The following DNAJC3 variants were observed in gnomAD, a reference collection of about 807,000 sequenced individuals.
DNAJC3 encodes dnaJ homolog subfamily C member 3.
DNAJC3 carries 38 observed loss-of-function variants against 68.6 expected under a neutral mutation model. That is an observed-to-expected ratio of 0.55 (90% CI 0.43 to 0.73). The LOEUF (loss-of-function observed/expected upper bound fraction) is 0.73, where lower values mean the gene tolerates loss of function less well. Ranked by LOEUF, DNAJC3 falls within the 30% of genes least tolerant of loss-of-function variation. The probability of loss-of-function intolerance (pLI) is 0.00; values close to 1 mark genes in which losing one functional copy is unlikely to be tolerated. For synonymous variants in DNAJC3, 203 were observed against 204.0 expected (o/e 1.00, Z 0.04); for missense variants, 526 against 591.9 (o/e 0.89, Z 1.16).
intron 9 of DNAJC3, among the ~76,000 whole-genome samples, chr13:95,772,157 A>G (rs1883176042): frequency 6.6e-6 from 1 of 152,218 alleles, no homozygotes; most frequent in South Asian, 2.1e-4. Flanking sequence ...TTTGAAAAAC[A>G]GGTGGTGGGC....
In DNAJC3 at chr13:95,775,234, G is replaced by A. The variant is rs1594023103; in HGVS notation, c.1076-10705G>A. Among the ~76,000 whole-genome samples the A allele has an allele frequency of 3.3e-5, 5 of 152,218 alleles. No homozygotes were observed. In the Middle Eastern group the frequency reaches 0.01, roughly 311 times the overall value. On this transcript the variant is annotated intron_variant, in intron 9 of 11. Coordinates refer to ENST00000602402, the MANE Select transcript of DNAJC3 (RefSeq NM_006260.5). ...TGCATGTCCTGCACTTGACTGTAAC[G>A]ACGTTTTAAATAAATTTCTAATATT...
chr13:95,716,940 C>T (rs529037614), intron 2 of DNAJC3, among the ~76,000 whole-genome samples: 1 of 152,290 alleles, frequency 6.6e-6, no homozygotes, highest in South Asian at 2.1e-4. Flanking sequence ...CCCAAGGGTG[C>T]AGCCCTACCT....
intron 4 of DNAJC3, among the ~76,000 whole-genome samples, chr13:95,753,641 T>G (rs1303191672): frequency 3.3e-5 from 5 of 152,230 alleles, no homozygotes; most frequent in Non-Finnish European, 7.3e-5. Context: ...AGAAAGGTTC[T>G]ATTATTCTAG....
At chr13:95,785,452 C>CTTT (rs36052714) in intron 9 of DNAJC3, among the ~76,000 whole-genome samples, 1,527 of 77,930 alleles carry the variant, frequency 0.02, 60 homozygotes, top group African/African-American at 0.047. Flanking sequence ...CCTTTTAAAC[C>CTTT]TTTTTTTTTT....
intron 2 of DNAJC3, among the ~76,000 whole-genome samples, chr13:95,718,598 A>G: frequency 6.6e-6 from 1 of 152,132 alleles, no homozygotes; most frequent in East Asian, 1.9e-4. Flanking sequence ...ACGGTGTTTC[A>G]CCATGTTGGC....
intron 9 of DNAJC3, among the ~76,000 whole-genome samples, chr13:95,773,731 CTTTTTTTTTTTTT>C (rs143145399): frequency 4.8e-4 from 34 of 71,330 alleles, no homozygotes; most frequent in African/African-American, 1.7e-3. Context: ...TTTTGTTGGT[CTTTTTTTTTTTTT>C]TTTTTTTTTT....
chr13:95,714,164 A>G (rs1339685941), intron 2 of DNAJC3, among the ~76,000 whole-genome samples: 1 of 152,234 alleles, frequency 6.6e-6, no homozygotes, highest in Non-Finnish European at 1.5e-5. Flanking sequence ...AAGAAAATGC[A>G]CACTTTAAAA....
rs1880144877 is a variant in DNAJC3, at chr13:95,688,931, TGTGTG to T, written c.82+11595_82+11599del. On this transcript the variant is annotated intron_variant, in intron 1 of 11. Transcript: ENST00000602402. ...CAAAGCCCATTTGATTGTGTGGGTG[TGTGTG>T]TGTGTGTGTGTGTGTGTGTGTGTGT... 2.7e-4 allele frequency among the ~76,000 whole-genome samples: 23 copies of T among 86,286 alleles called. 1 individual carries two copies. The highest frequency in any genetic ancestry group is 1.0e-3 in the African/African-American group (23 of 21,940). The allele number at this position is 86,286 out of a possible 152,430, so 56.6% of individuals were successfully genotyped here.
At chr13:95,786,140 T>C in intron 10 of DNAJC3, 69 bp downstream of exon 10, 1 of 1,419,026 alleles carries the variant, frequency 7.0e-7, no homozygotes, top group Non-Finnish European at 9.4e-7. Context: ...ATCATTGCTC[T>C]TTTTCCTCTC....
At chr13:95,741,453 C>T (rs1284497191) in intron 4 of DNAJC3, among the ~76,000 whole-genome samples, 1 of 152,094 alleles carries the variant, frequency 6.6e-6, no homozygotes, top group Non-Finnish European at 1.5e-5. Context: ...CTAGTGGGGG[C>T]AATAACAGGC....
At chr13:95,764,371 C>CTATATA (rs1281146488) in intron 9 of DNAJC3, among the ~76,000 whole-genome samples, 73 of 132,750 alleles carry the variant, frequency 5.5e-4, no homozygotes, top group African/African-American at 2.3e-3. Context: ...CTCTCTCTCT[C>CTATATA]TCTCTATATA....
intron 1 of DNAJC3, among the ~76,000 whole-genome samples, chr13:95,691,222 G>A (rs1880246968): frequency 6.6e-6 from 1 of 151,930 alleles, no homozygotes; most frequent in Admixed American, 6.6e-5. Context: ...CCCGGACGAG[G>A]TGGCTGCCGG....
intron 3 of DNAJC3, 83 bp downstream of exon 3, chr13:95,723,449 A>G (rs1273956562): frequency 2.1e-6 from 3 of 1,457,526 alleles, no homozygotes; most frequent in Non-Finnish European, 2.8e-6. Context: ...GAGGACTGGC[A>G]TGCTAGACAT....
At chr13:95,747,885 A>G (rs933049208) in intron 4 of DNAJC3, among the ~76,000 whole-genome samples, 6 of 152,240 alleles carry the variant, frequency 3.9e-5, no homozygotes, top group Non-Finnish European at 7.3e-5. Context: ...CAAATTGTCC[A>G]TGCTATTCCC....
chr13:95,768,641 T>C (rs1461099888), intron 9 of DNAJC3, among the ~76,000 whole-genome samples: 1 of 152,120 alleles, frequency 6.6e-6, no homozygotes, highest in African/African-American at 2.4e-5. Flanking sequence ...CCTGTTATAC[T>C]ACCTAGGCCC....
intron 4 of DNAJC3, among the ~76,000 whole-genome samples, chr13:95,725,989 A>G (rs534697431): frequency 1.3e-5 from 2 of 152,096 alleles, no homozygotes; most frequent in East Asian, 1.9e-4. Flanking sequence ...CCATGTCGCT[A>G]CAAAGGACAT....
Position 95,754,020 on chromosome 13 carries a change from A to G in DNAJC3, c.394-3624A>G, listed in dbSNP as rs1304516972. Among the ~76,000 whole-genome samples the G allele has an allele frequency of 3.9e-5, 6 of 152,348 alleles. 1 individual carries two copies. The highest frequency in any genetic ancestry group is 1.4e-4 in the African/African-American group (6 of 41,580). ...ACACTGTGTTACTCCTGTGTTGGCT[A>G]TCTGCTGCTAGATAACACATTATCC... On this transcript the variant is annotated intron_variant, in intron 4 of 11. Transcript: ENST00000602402.
intron 4 of DNAJC3, among the ~76,000 whole-genome samples, chr13:95,754,321 C>T (rs1594007088): frequency 6.6e-6 from 1 of 152,188 alleles, no homozygotes; most frequent in East Asian, 1.9e-4. Flanking sequence ...CATGTCACAA[C>T]ATGGCAGCTT....
intron 9 of DNAJC3, among the ~76,000 whole-genome samples, chr13:95,781,628 A>ATT (rs1883457106): frequency 6.6e-6 from 1 of 152,166 alleles, no homozygotes; most frequent in Non-Finnish European, 1.5e-5. Context: ...GCTCCTCAAG[A>ATT]ATGTGAAGGG....
Sources: allele counts gnomAD v4.1 joint callset (sites outside exome capture counted in the v4.1 genomes callset), GRCh38; gene constraint gnomAD v4.1.1; transcripts MANE v1.5; gene names NCBI Gene and HGNC (gene_info 2026-07-23, HGNC 2026-07-21).